The following PTPRK variants were observed in gnomAD, a reference collection of about 807,000 sequenced individuals.
The protein encoded by PTPRK is receptor-type tyrosine-protein phosphatase kappa.
PTPRK carries 75 observed loss-of-function variants against 178.0 expected under a neutral mutation model. The observed-to-expected ratio is 0.42, with a 90% CI of 0.35 to 0.51. The LOEUF is 0.51. Ranked by LOEUF, PTPRK falls within the 20% of genes least tolerant of loss-of-function variation. The pLI, the probability that PTPRK is intolerant of heterozygous loss-of-function variation, is 0.02. For missense variants in PTPRK, 1,441 were observed against 1,797.8 expected (o/e 0.80, Z 3.59); for synonymous variants, 637 against 620.6 (o/e 1.03, Z -0.39).
At chr6:128,028,548 C>A (rs968834734) in intron 13 of PTPRK, among the ~76,000 whole-genome samples, 1 of 152,194 alleles carries the variant, frequency 6.6e-6, no homozygotes, top group African/African-American at 2.4e-5. Context: ...TCTGCCCATG[C>A]TGTTACCAGT....
intron 2 of PTPRK, among the ~76,000 whole-genome samples, chr6:128,335,872 T>C (rs1170869282): frequency 6.6e-6 from 1 of 152,146 alleles, no homozygotes; most frequent in Non-Finnish European, 1.5e-5. Flanking sequence ...TGGTCTCCAA[T>C]AATTGAGCAA....
chr6:128,300,376 A>G (rs1470674489), intron 3 of PTPRK, among the ~76,000 whole-genome samples: 2 of 152,114 alleles, frequency 1.3e-5, no homozygotes, highest in Non-Finnish European at 2.9e-5. Flanking sequence ...TACTGGGTAT[A>G]TACCCAAAGG....
At chr6:128,318,090 A>G (rs1828279400) in intron 3 of PTPRK, among the ~76,000 whole-genome samples, 1 of 152,206 alleles carries the variant, frequency 6.6e-6, no homozygotes, top group Non-Finnish European at 1.5e-5. Flanking sequence ...GTGGGTCTCT[A>G]TATGGATGAA....
chr6:128,228,983 A>G (rs556710801), intron 5 of PTPRK, among the ~76,000 whole-genome samples: 2 of 152,320 alleles, frequency 1.3e-5, no homozygotes, highest in South Asian at 4.1e-4. Flanking sequence ...AATTGACTTA[A>G]GAATCAAGGG....
intron 6 of PTPRK, among the ~76,000 whole-genome samples, chr6:128,202,927 CCAAAA>C (rs1240340240): frequency 6.6e-6 from 1 of 151,662 alleles, no homozygotes. Context: ...ATCCTAAATA[CCAAAA>C]CTTGACAGAG....
chr6:128,307,160 A>AAAAT (rs5879886), intron 3 of PTPRK, among the ~76,000 whole-genome samples: 6,196 of 142,152 alleles, frequency 0.044, 164 homozygotes, highest in Non-Finnish European at 0.054. Context: ...AAGAAAAAAA[A>AAAAT]ATATATATAT....
chr6:128,314,152 GAAC>G (rs1196748475), intron 3 of PTPRK, among the ~76,000 whole-genome samples: 1 of 152,092 alleles, frequency 6.6e-6, no homozygotes, highest in African/African-American at 2.4e-5. Flanking sequence ...GTTCTTCCTA[GAAC>G]ACCTGGTCTA....
intron 25 of PTPRK, 99 bp from the exon 26 acceptor site, chr6:127,977,153 T>C (rs1583475298): frequency 8.3e-7 from 1 of 1,201,926 alleles, no homozygotes; most frequent in Admixed American, 1.8e-5. Flanking sequence ...ACCAGTAAGA[T>C]GCAATAGCTT....
At chr6:128,233,502 A>G (rs537758040) in intron 5 of PTPRK, among the ~76,000 whole-genome samples, 9 of 152,292 alleles carry the variant, frequency 5.9e-5, no homozygotes, top group Admixed American at 3.9e-4. Flanking sequence ...GTTGTTTTTG[A>G]GAGCAATTTG....
At chr6:128,139,344 T>C (rs1373005272) in intron 7 of PTPRK, among the ~76,000 whole-genome samples, 2 of 152,094 alleles carry the variant, frequency 1.3e-5, no homozygotes, top group African/African-American at 4.8e-5. Flanking sequence ...GAGAGCCCGA[T>C]AGGTAAAAGC....
intron 1 of PTPRK, among the ~76,000 whole-genome samples, chr6:128,407,654 AAGAAGAAG>A (rs1841841381): frequency 1.6e-5 from 2 of 122,602 alleles, no homozygotes; most frequent in Non-Finnish European, 3.6e-5. Context: ...AAAAAAAAAA[AAGAAGAAG>A]AAGAAGAAGA....
rs1024168975 is a variant in PTPRK, at chr6:128,037,054, T to C, written c.2194+27704A>G. 3.3e-5 allele frequency among the ~76,000 whole-genome samples: 5 copies of C among 152,204 alleles called. No individual in the cohort carries two copies. The East Asian group carries it at 9.7e-4, about 29-fold the overall frequency. On this transcript the variant is annotated intron_variant, in intron 13 of 29. Coordinates refer to ENST00000368226, the MANE Select transcript of PTPRK (RefSeq NM_002844.4). ...GCCCTCCCTAACTCATTCTTTTAGTTGTGCTTGGGTGCAAATCTGTTCACT... is the reference window on the plus strand; with the variant it reads ...GCCCTCCCTAACTCATTCTTTTAGTCGTGCTTGGGTGCAAATCTGTTCACT...
At chr6:128,003,173 G>T in intron 15 of PTPRK, 2 of 1,588,038 alleles carry the variant, frequency 1.3e-6, no homozygotes, top group Non-Finnish European at 1.7e-6. Flanking sequence ...GCAATGAAAA[G>T]ATGATAAAGA....
intron 7 of PTPRK, among the ~76,000 whole-genome samples, chr6:128,182,442 C>T (rs559978152): frequency 2.0e-5 from 3 of 152,018 alleles, no homozygotes; most frequent in Admixed American, 6.6e-5. Flanking sequence ...GGCATGGTAG[C>T]GCATGCCTGT....
intron 1 of PTPRK, among the ~76,000 whole-genome samples, chr6:128,505,607 G>A (rs1463048472): frequency 6.6e-6 from 1 of 152,136 alleles, no homozygotes; most frequent in Non-Finnish European, 1.5e-5. Context: ...ATTCAAGCCT[G>A]CAGTGCAAAG....
At chr6:128,045,138 G>A (rs758142778) in intron 13 of PTPRK, among the ~76,000 whole-genome samples, 4 of 151,930 alleles carry the variant, frequency 2.6e-5, no homozygotes, top group East Asian at 1.9e-4. Context: ...AGTCATCATC[G>A]CTGTTCTTGA....
At chr6:128,112,709 A>G (rs904893574) in intron 7 of PTPRK, among the ~76,000 whole-genome samples, 2 of 152,104 alleles carry the variant, frequency 1.3e-5, no homozygotes, top group African/African-American at 2.4e-5. Flanking sequence ...TCTCTAGGGG[A>G]AGAGGAGTCA....
intron 6 of PTPRK, among the ~76,000 whole-genome samples, chr6:128,195,889 G>T (rs1243211639): frequency 6.6e-6 from 1 of 152,092 alleles, no homozygotes; most frequent in African/African-American, 2.4e-5. Context: ...GACATCAAAT[G>T]ATATTAATTA....
chr6:128,372,919 T>C (rs921422388), intron 2 of PTPRK, among the ~76,000 whole-genome samples: 8 of 151,938 alleles, frequency 5.3e-5, no homozygotes, highest in African/African-American at 1.7e-4. Flanking sequence ...TACTCTGATA[T>C]ACATGAGTAT....
Sources: gnomAD v4.1 joint callset for allele counts (sites outside exome capture counted in the v4.1 genomes callset) on GRCh38, gnomAD v4.1.1 for gene constraint, MANE v1.5 for transcripts, NCBI Gene and HGNC (gene_info 2026-07-23, HGNC 2026-07-21) for gene names.